FTO: variants seen among roughly 807,000 people sequenced by gnomAD.
FTO encodes alpha-ketoglutarate-dependent dioxygenase FTO.
Under a neutral mutation model 63.9 loss-of-function variants are expected in FTO, and 47 were observed. The ratio of observed to expected loss-of-function variants is 0.74; its 90% CI spans 0.58 to 0.94. FTO has a LOEUF of 0.94. Among genes scored for constraint, FTO ranks in the 40% least tolerant of loss-of-function variants. The pLI, the probability that FTO is intolerant of heterozygous loss-of-function variation, is 0.00. For synonymous variants in FTO, 207 were observed against 224.4 expected (o/e 0.92, Z 0.69); for missense variants, 562 against 618.1 (o/e 0.91, Z 0.96).
chr16:53,722,742 C>G (rs759744610), intron 1 of FTO, among the ~76,000 whole-genome samples: 1 of 151,690 alleles, frequency 6.6e-6, no homozygotes, highest in Admixed American at 6.6e-5. Context: ...GCGGGAGAAT[C>G]GCTTGAACCC....
chr16:54,039,970 T>A (rs1208744355), intron 8 of FTO: 1 of 152,208 alleles, frequency 6.6e-6, no homozygotes, highest in Non-Finnish European at 1.5e-5. Flanking sequence ...CCAAGTGTTG[T>A]GAGCCAAGGT....
At chr16:54,064,225 A>G (rs755132393) in intron 8 of FTO, among the ~76,000 whole-genome samples, 7 of 152,168 alleles carry the variant, frequency 4.6e-5, no homozygotes, top group Non-Finnish European at 1.0e-4. Context: ...AGTGCTATAT[A>G]TTTAAACATT....
At chr16:54,052,476 G>C (rs1267319004) in intron 8 of FTO, 1 of 152,150 alleles carries the variant, frequency 6.6e-6, no homozygotes, top group Non-Finnish European at 1.5e-5. Context: ...CCAGCTGTAA[G>C]GGCCAGCACC....
chr16:53,760,880 G>A (rs2077050805), intron 1 of FTO, among the ~76,000 whole-genome samples: 1 of 152,056 alleles, frequency 6.6e-6, no homozygotes, highest in Admixed American at 6.5e-5. Flanking sequence ...ACCTGCCTTG[G>A]CCTCCCAAAG....
intron 8 of FTO, among the ~76,000 whole-genome samples, chr16:54,054,785 A>C (rs2085392063): frequency 6.6e-6 from 1 of 152,250 alleles, no homozygotes. Context: ...TAGGTGAGTC[A>C]GTAATGAAAA....
rs533122723 is a variant in FTO at position 53,744,243 on chromosome 16, A to G, written c.45+40014A>G. Among the ~76,000 whole-genome samples, 20 of 152,272 alleles carry G rather than the reference A, an allele frequency of 1.3e-4. No individual in the cohort carries two copies. The East Asian group carries it at 3.7e-3, about 28-fold the overall frequency. On this transcript the variant is annotated intron_variant, in intron 1 of 8. Coordinates refer to ENST00000471389, the MANE Select transcript of FTO (RefSeq NM_001080432.3). ...ATAGAATGGAACATTCTTCTTCTTC[A>G]ATTAGAGACACACTAAAAAGATGGG...
chr16:54,113,846 T>A lies in FTO; in HGVS notation c.*1931T>A, dbSNP rs2086942156. 6.6e-6 allele frequency: 1 copy of A among 150,602 alleles called. No homozygotes were observed. The highest frequency in any genetic ancestry group is 2.4e-5 in the African/African-American group (1 of 40,966). 9.3% of individuals were successfully genotyped at this position (150,602 alleles called of 1,614,324 possible). On this transcript the variant is annotated 3_prime_UTR_variant, in exon 9 of 9. Transcript: ENST00000471389. ...TTTTTTGAGACACAGTCTCACTCTG[T>A]CACCAGGCTAGAGTGCAGTGGCACG... is the stretch of plus-strand genomic sequence containing the variant.
chr16:53,902,932 A>G (rs1425268318), intron 7 of FTO, among the ~76,000 whole-genome samples: 1 of 152,144 alleles, frequency 6.6e-6, no homozygotes, highest in Non-Finnish European at 1.5e-5. Flanking sequence ...ACATAGCAAG[A>G]CCTTGCCTCT....
chr16:54,036,589 A>G (rs939246355), intron 8 of FTO, among the ~76,000 whole-genome samples: 12 of 152,372 alleles, frequency 7.9e-5, no homozygotes, highest in African/African-American at 2.6e-4. Context: ...ACTGTAAAAC[A>G]GAAGTTAAAC....
chr16:54,101,978 G>A (rs1307240718), intron 8 of FTO, among the ~76,000 whole-genome samples: 1 of 152,104 alleles, frequency 6.6e-6, no homozygotes, highest in African/African-American at 2.4e-5. Flanking sequence ...AAAAGTGCCT[G>A]TTCGTGTTCT....
chr16:54,009,879 C>T (rs1480668641), intron 8 of FTO, among the ~76,000 whole-genome samples: 2 of 152,156 alleles, frequency 1.3e-5, no homozygotes, highest in African/African-American at 4.8e-5. Flanking sequence ...CTCAACCTGA[C>T]CCCCCTTCAG....
At chr16:53,971,802 G>T (rs1446241751) in intron 8 of FTO, among the ~76,000 whole-genome samples, 1 of 152,160 alleles carries the variant, frequency 6.6e-6, no homozygotes, top group Non-Finnish European at 1.5e-5. Flanking sequence ...TGAACCACAA[G>T]CTCAGGGCTG....
At chr16:53,805,890 C>T (rs1183085818) in intron 1 of FTO, among the ~76,000 whole-genome samples, 5 of 152,148 alleles carry the variant, frequency 3.3e-5, no homozygotes, top group Non-Finnish European at 7.3e-5. Flanking sequence ...TCTGGCTCTC[C>T]GTGTGGCATT....
At chr16:53,867,991 A>G (rs1280411203) in intron 4 of FTO, among the ~76,000 whole-genome samples, 1 of 152,150 alleles carries the variant, frequency 6.6e-6, no homozygotes, top group Non-Finnish European at 1.5e-5. Flanking sequence ...CTCTGTCTGA[A>G]ATTAATATAG....
intron 8 of FTO, among the ~76,000 whole-genome samples, chr16:54,059,899 T>C (rs1225290758): frequency 7.1e-6 from 1 of 141,242 alleles, no homozygotes; most frequent in African/African-American, 3.1e-5. Context: ...ATTAGTTTTT[T>C]TTTGTTTTTT....
At chr16:53,833,137 G>A (rs929834872) in intron 3 of FTO, among the ~76,000 whole-genome samples, 3 of 151,804 alleles carry the variant, frequency 2.0e-5, no homozygotes, top group Non-Finnish European at 3.0e-5. Context: ...GGTTCATCAG[G>A]GGTTTCCGCT....
intron 8 of FTO, among the ~76,000 whole-genome samples, chr16:53,950,103 C>A (rs1157064717): frequency 2.3e-5 from 2 of 88,050 alleles, no homozygotes; most frequent in Non-Finnish European, 2.1e-5. Flanking sequence ...AACACAAAAT[C>A]TATATGAGGT....
intron 3 of FTO, among the ~76,000 whole-genome samples, chr16:53,826,723 G>T (rs1247087308): frequency 6.6e-6 from 1 of 152,106 alleles, no homozygotes; most frequent in Non-Finnish European, 1.5e-5. Context: ...TTGTTATACT[G>T]TACTCAGAAT....
chr16:54,001,014 C>T (rs571141159), intron 8 of FTO, among the ~76,000 whole-genome samples: 1 of 152,282 alleles, frequency 6.6e-6, no homozygotes, highest in South Asian at 2.1e-4. Context: ...ACTAGATGAG[C>T]TCTAAAGAGC....
Sources: gnomAD v4.1 joint callset for allele counts (sites outside exome capture counted in the v4.1 genomes callset) on GRCh38, gnomAD v4.1.1 for gene constraint, MANE v1.5 for transcripts, NCBI Gene and HGNC (gene_info 2026-07-23, HGNC 2026-07-21) for gene names.